Variants in SNUPN observed in about 807,000 individuals in gnomAD.
SNUPN encodes snurportin-1.
SNUPN carries 31 observed loss-of-function variants against 39.2 expected under a neutral mutation model. The ratio of observed to expected loss-of-function variants is 0.79; its 90% CI spans 0.59 to 1.07. The LOEUF is 1.07. Among genes scored for constraint, SNUPN ranks in the 50% least tolerant of loss-of-function variants. The pLI is 0.00. For missense variants in SNUPN, 382 were observed against 434.2 expected (o/e 0.88, Z 1.07); for synonymous variants, 132 against 159.0 (o/e 0.83, Z 1.28).
intron 1 of SNUPN, among the ~76,000 whole-genome samples, chr15:75,624,223 G>A (rs970239820): frequency 1.3e-5 from 2 of 149,534 alleles, no homozygotes; most frequent in South Asian, 2.2e-4. Flanking sequence ...CACCGCGCCC[G>A]GCCGATAAAA....
chr15:75,615,111 ATTTATTT>A (rs1892889981), intron 3 of SNUPN, among the ~76,000 whole-genome samples: 1 of 151,906 alleles, frequency 6.6e-6, no homozygotes, highest in Non-Finnish European at 1.5e-5. Context: ...TATTTGTTTT[ATTTATTT>A]TTTATTTTTT....
intron 1 of SNUPN, chr15:75,622,339 C>G: frequency 1.0e-6 from 1 of 985,380 alleles, no homozygotes; most frequent in Non-Finnish European, 1.2e-6. Flanking sequence ...ATGTGGGACT[C>G]ACTTGGAAAA....
chr15:75,601,885 C>CT (rs147516418), intron 7 of SNUPN, among the ~76,000 whole-genome samples: 25,808 of 151,942 alleles, frequency 0.17, 2,919 homozygotes, highest in Non-Finnish European at 0.25. Context: ...TTTCCTCCCC[C>CT]TTTTTTTTAA....
Position 75,609,923 on chromosome 15 carries a change from AG to A in SNUPN, c.374del (p.Pro125LeufsTer48). On this transcript the variant is annotated frameshift_variant, in exon 4 of 9. Coordinates refer to ENST00000308588, the MANE Select transcript of SNUPN (RefSeq NM_005701.4). LOFTEE classifies it high-confidence loss of function. ...LGQEWIVVVC[P>X]VGKRALIVAS... ...CCACGATAAGGGCTCTTTTTCCAAC[AG>A]GGCACACGACCACAATCCATTCCTG... 6.2e-7 allele frequency: 1 copy of A among 1,614,106 alleles called. No individual in the cohort carries two copies. Among genetic ancestry groups the A allele is most frequent in the Non-Finnish European group, 8.5e-7 (1 of 1,180,008 alleles).
At chr15:75,622,276 T>C in intron 1 of SNUPN, 3 of 771,140 alleles carry the variant, frequency 3.9e-6, no homozygotes, top group Non-Finnish European at 3.2e-6. Flanking sequence ...CTTCCTCATA[T>C]TCTAGTTGTG....
At chr15:75,623,434 C>CCA (rs907131372) in intron 1 of SNUPN, among the ~76,000 whole-genome samples, 15 of 144,866 alleles carry the variant, frequency 1.0e-4, no homozygotes, top group Non-Finnish European at 2.1e-4. Flanking sequence ...CAGGTGTGAG[C>CCA]CACCACGCCC....
chr15:75,612,222 A>G (rs562666935), intron 3 of SNUPN, among the ~76,000 whole-genome samples: 7 of 152,110 alleles, frequency 4.6e-5, no homozygotes, highest in Non-Finnish European at 8.8e-5. Flanking sequence ...TAGTAGAGAC[A>G]GGGTTTCACC....
At position 75,603,162 on chromosome 15, in the gene SNUPN, C is replaced by T. The variant is rs568120256; in HGVS notation, c.679-1944G>A. Among the ~76,000 whole-genome samples, 9 of 151,866 alleles carry T rather than the reference C, an allele frequency of 5.9e-5. No homozygotes were observed. The South Asian group carries it at 1.9e-3, about 32-fold the overall frequency. On this transcript the variant is annotated intron_variant, in intron 7 of 8. Transcript: ENST00000308588. ...CTCCTGGGTTCACAGCATTCTCCTG[C>T]TCAGCCTCTCAAGTAGCTGGGACTA...
At chr15:75,603,966 C>G (rs2075311345) in intron 7 of SNUPN, among the ~76,000 whole-genome samples, 1 of 152,124 alleles carries the variant, frequency 6.6e-6, no homozygotes, top group African/African-American at 2.4e-5. Context: ...AACAACAGCA[C>G]ATATCTACTT....
rs555036576 is a variant in SNUPN, at chr15:75,609,576, G to A, written c.484C>T (p.Arg162Ter). The A allele has an allele frequency of 1.7e-5, 27 of 1,613,286 alleles. No homozygotes were observed. The highest frequency in any genetic ancestry group is 1.6e-4 in the Middle Eastern group (1 of 6,082). The change falls in exon 5 of 9, where the codon CGA (arginine) becomes TGA (stop). Residue 162 changes from arginine (R) to a stop codon, truncating the protein, a stop_gained. Transcript: ENST00000308588. LOFTEE classifies it high-confidence loss of function. ...FSSLLPGGNRRNSTAKDYTIL... is the reference protein window; with the variant it reads ...FSSLLPGGNR ...TAGGTACCTTTTGCTGTTGAGTTTCGCCTGTTGCCTCCTGGCAGAAGTGAA... is the reference window on the plus strand; with the variant it reads ...TAGGTACCTTTTGCTGTTGAGTTTCACCTGTTGCCTCCTGGCAGAAGTGAA...
intron 7 of SNUPN, 28 bp from the exon 8 acceptor site, chr15:75,601,246 A>G: frequency 6.8e-7 from 1 of 1,474,584 alleles, no homozygotes; most frequent in Non-Finnish European, 9.5e-7. Context: ...ACAAGGAATT[A>G]GTACGTTATA....
chr15:75,617,595 T>C (rs138601686), intron 2 of SNUPN, 43 bp from the exon 3 acceptor site: 28 of 1,546,072 alleles, frequency 1.8e-5, no homozygotes, highest in African/African-American at 1.1e-4. Flanking sequence ...TTTTCTTCTT[T>C]TTTTTTTTTT....
chr15:75,626,357 G>A (rs897181585), upstream of SNUPN: 1 of 152,234 alleles, frequency 6.6e-6, no homozygotes, highest in Non-Finnish European at 1.5e-5. Context: ...CACAAGGGAT[G>A]GCGCTCAGTA....
At position 75,598,532 on chromosome 15, in the gene SNUPN, C is replaced by T. The variant is rs955344107; in HGVS notation, c.909G>A (p.Gly303=). Residue 303 remains glycine, a synonymous_variant, in exon 9 of 9, where the codon GGG becomes GGA. Transcript: ENST00000308588. Reference sequence around the variant, plus strand: ...GCTCCATAATCTGCTGGAGCTGGTGCCCAGCATAGTCTGGCTTGGTGGTCA... The same window carrying T: ...GCTCCATAATCTGCTGGAGCTGGTGTCCAGCATAGTCTGGCTTGGTGGTCA... ...GPLTTKPDYA[G]HQLQQIMEHK... The T allele has an allele frequency of 9.3e-6, 15 of 1,614,076 alleles. No homozygotes were observed. The highest frequency in any genetic ancestry group is 1.3e-5 in the Non-Finnish European group (15 of 1,180,050).
At chr15:75,626,123 G>T (rs1401489034), upstream of SNUPN, 1 of 152,268 alleles carries the variant, frequency 6.6e-6, no homozygotes, top group African/African-American at 2.4e-5. Flanking sequence ...TCTTGGGCCC[G>T]TGCTCTTAAA....
chr15:75,599,836 A>ATTTTTTTTTTTTTTTTTTTT (rs60918008), intron 8 of SNUPN, among the ~76,000 whole-genome samples: 1 of 140,516 alleles, frequency 7.1e-6, no homozygotes. Context: ...GACTGGGCAG[A>ATTTTTTTTTTTTTTTTTTTT]TTTTTTTTTT....
At position 75,605,236 on chromosome 15, in the gene SNUPN, G is replaced by A. The variant is rs752711373; in HGVS notation, c.601-9C>T. On this transcript the variant is annotated splice_polypyrimidine_tract_variant and intron_variant, in intron 6 of 8. Transcript: ENST00000308588. ...TAGAATCGGAAATCAGTCTGCCACA[G>A]AGAAGGGAAACAGAAAGATGAAATA... 1.3e-6 allele frequency: 2 copies of A among 1,591,740 alleles called. No homozygotes were observed. Among genetic ancestry groups the A allele is most frequent in the South Asian group, 1.1e-5 (1 of 90,240 alleles).
chr15:75,624,762 TTTTC>T, intron 1 of SNUPN: 1 of 1,283,262 alleles, frequency 7.8e-7, no homozygotes, highest in African/African-American at 1.5e-5. Flanking sequence ...TCGTTTTGTT[TTTTC>T]TTTGTTGTTG....
At chr15:75,625,947 G>T (rs1479595692), upstream of SNUPN, 1 of 146,888 alleles carries the variant, frequency 6.8e-6, no homozygotes, top group Non-Finnish European at 1.6e-5. Context: ...CTTCCTGCTA[G>T]ATGACTTGAC....
Sources: gnomAD v4.1 joint callset for allele counts (sites outside exome capture counted in the v4.1 genomes callset) on GRCh38, gnomAD v4.1.1 for gene constraint, MANE v1.5 for transcripts, NCBI Gene and HGNC (gene_info 2026-07-23, HGNC 2026-07-21) for gene names.